The following SHISA9 variants were observed in gnomAD, a reference collection of about 807,000 sequenced individuals.
The protein encoded by SHISA9 is shisa family member 9, also known as protein shisa-9.
Under a neutral mutation model 38.0 loss-of-function variants are expected in SHISA9, and 13 were observed. The observed-to-expected ratio is 0.34, with a 90% CI of 0.22 to 0.54. The LOEUF (loss-of-function observed/expected upper bound fraction) is 0.54, where lower values mean the gene tolerates loss of function less well. Ranked by LOEUF, SHISA9 falls within the 20% of genes least tolerant of loss-of-function variation. The pLI, the probability that SHISA9 is intolerant of heterozygous loss-of-function variation, is 0.91. For synonymous variants in SHISA9, 275 were observed against 242.0 expected (o/e 1.14, Z -1.27); for missense variants, 538 against 575.8 (o/e 0.93, Z 0.67).
chr16:13,130,096 C>A (rs2050294019), intron 2 of SHISA9, among the ~76,000 whole-genome samples: 1 of 152,138 alleles, frequency 6.6e-6, no homozygotes, highest in South Asian at 2.1e-4. Context: ...TTTCATGAGA[C>A]CCCAATGAAG....
intron 1 of SHISA9, among the ~76,000 whole-genome samples, chr16:12,916,349 A>G (rs188279140): frequency 6.2e-4 from 94 of 152,340 alleles, no homozygotes; most frequent in African/African-American, 2.1e-3. Flanking sequence ...AAGAGTTTGT[A>G]TCTAGTGTTA....
intron 2 of SHISA9, among the ~76,000 whole-genome samples, chr16:13,131,547 T>C (rs1471837662): frequency 6.6e-6 from 1 of 152,030 alleles, no homozygotes; most frequent in Non-Finnish European, 1.5e-5. Context: ...GGTTGATCTG[T>C]GCAGCAAACC....
At chr16:13,385,368 A>C in the SHISA9 span, among the ~76,000 whole-genome samples, 1 of 152,252 alleles carries the variant, frequency 6.6e-6, no homozygotes, top group Non-Finnish European at 1.5e-5. Flanking sequence ...CTTTATTCAT[A>C]GTAGCCCCAA....
chr16:13,141,230 T>C (rs1201196262), intron 2 of SHISA9, among the ~76,000 whole-genome samples: 6 of 152,282 alleles, frequency 3.9e-5, no homozygotes, highest in Admixed American at 6.5e-5. Context: ...CAGGTTTTTT[T>C]CTACCATGGT....
At chr16:13,139,732 A>G (rs1034598859) in intron 2 of SHISA9, among the ~76,000 whole-genome samples, 2 of 152,140 alleles carry the variant, frequency 1.3e-5, no homozygotes, top group Non-Finnish European at 2.9e-5. Context: ...TGAGGTGGAC[A>G]TTTTGTTCCT....
chr16:13,289,420 T>C, the SHISA9 span, among the ~76,000 whole-genome samples: 1 of 152,176 alleles, frequency 6.6e-6, no homozygotes, highest in South Asian at 2.1e-4. Context: ...AGTTGATTGC[T>C]TGTTCTTTGG....
chr16:13,284,691 G>A, the SHISA9 span, among the ~76,000 whole-genome samples: 1 of 152,152 alleles, frequency 6.6e-6, no homozygotes, highest in Non-Finnish European at 1.5e-5. Flanking sequence ...TCCGCCTCCT[G>A]GGTTCAAGCT....
At chr16:13,225,781 G>A (rs142543485) in intron 4 of SHISA9, among the ~76,000 whole-genome samples, 5 of 152,144 alleles carry the variant, frequency 3.3e-5, no homozygotes, top group African/African-American at 4.8e-5. Context: ...GCTCCATCCC[G>A]CCCCGCACCT....
Position 13,096,002 on chromosome 16 carries a change from C to A in SHISA9, c.692-107392C>A, listed in dbSNP as rs561110537. ...TGGTCCAAGGGCCATATTTTGAGAA[C>A]CACTACTTTGGTGGTCAAGAGTGAA... On this transcript the variant is annotated intron_variant, in intron 2 of 4. Transcript: ENST00000558583. Among the ~76,000 whole-genome samples the A allele has an allele frequency of 1.3e-3, 192 of 152,306 alleles. 1 individual carries two copies. The highest frequency in any genetic ancestry group is 4.5e-3 in the African/African-American group (189 of 41,564).
chr16:13,127,246 GGAGA>G (rs1264567197), intron 2 of SHISA9, among the ~76,000 whole-genome samples: 1 of 133,672 alleles, frequency 7.5e-6, no homozygotes, highest in African/African-American at 2.8e-5. Flanking sequence ...AATGAGTGAG[GGAGA>G]GAGAGGGAGG....
chr16:13,537,364 G>T, the SHISA9 span, among the ~76,000 whole-genome samples: 92 of 150,918 alleles, frequency 6.1e-4, no homozygotes, highest in African/African-American at 2.2e-3. Flanking sequence ...GGAGGTGGAG[G>T]TTGCAGTGAG....
intron 2 of SHISA9, among the ~76,000 whole-genome samples, chr16:13,068,628 C>G (rs1056197250): frequency 3.9e-5 from 6 of 152,230 alleles, no homozygotes; most frequent in Middle Eastern, 3.2e-3. Flanking sequence ...ATGGCTTTCA[C>G]AGGTTTTCTG....
At chr16:13,314,992 C>T in the SHISA9 span, among the ~76,000 whole-genome samples, 11 of 151,650 alleles carry the variant, frequency 7.3e-5, no homozygotes, top group East Asian at 1.7e-3. Context: ...CTTACCACAG[C>T]TCCTTATTCT....
intron 1 of SHISA9, chr16:12,910,460 C>T: frequency 6.1e-6 from 6 of 985,372 alleles, no homozygotes; most frequent in Non-Finnish European, 7.2e-6. Flanking sequence ...ACAGGTAACA[C>T]ACAAGGAAAT....
intron 2 of SHISA9, among the ~76,000 whole-genome samples, chr16:12,985,729 C>T (rs1268265031): frequency 1.3e-5 from 2 of 152,196 alleles, no homozygotes; most frequent in Non-Finnish European, 2.9e-5. Context: ...CTCCTGGAAC[C>T]CTTTCACCAT....
At chr16:12,971,096 A>C (rs966573383) in intron 2 of SHISA9, among the ~76,000 whole-genome samples, 1 of 152,222 alleles carries the variant, frequency 6.6e-6, no homozygotes, top group African/African-American at 2.4e-5. Context: ...TCCTGGCAGG[A>C]AGCTAGGCAT....
At chr16:13,069,516 A>T (rs529148082) in intron 2 of SHISA9, among the ~76,000 whole-genome samples, 1 of 151,890 alleles carries the variant, frequency 6.6e-6, no homozygotes, top group Non-Finnish European at 1.5e-5. Flanking sequence ...ATGTGTATAC[A>T]TGTGTGTACA....
chr16:13,063,018 T>G (rs1369627083), intron 2 of SHISA9, among the ~76,000 whole-genome samples: 1 of 152,062 alleles, frequency 6.6e-6, no homozygotes. Context: ...TTTTTTTTCT[T>G]TTTTTTGAGA....
intron 2 of SHISA9, among the ~76,000 whole-genome samples, chr16:12,950,812 G>A (rs1292195430): frequency 6.6e-6 from 1 of 151,370 alleles, no homozygotes; most frequent in East Asian, 2.0e-4. Context: ...GTTTTGCCAT[G>A]TTGGCCAGGA....
Sources: gnomAD v4.1 joint callset for allele counts (sites outside exome capture counted in the v4.1 genomes callset) on GRCh38, gnomAD v4.1.1 for gene constraint, MANE v1.5 for transcripts, NCBI Gene and HGNC (gene_info 2026-07-23, HGNC 2026-07-21) for gene names.